PIK3C3: variants seen among roughly 807,000 people sequenced by gnomAD.
PIK3C3 encodes the protein phosphatidylinositol 3-kinase catalytic subunit type 3.
In PIK3C3, 95 loss-of-function variants were observed where a neutral mutation model predicts 126.1. The observed-to-expected ratio is 0.75, with a 90% CI of 0.64 to 0.89. The LOEUF (loss-of-function observed/expected upper bound fraction) is 0.89. Ranked by LOEUF, PIK3C3 falls within the 40% of genes least tolerant of loss-of-function variation. The probability of loss-of-function intolerance (pLI) is 0.00; values close to 1 mark genes in which losing one functional copy is unlikely to be tolerated. For missense variants in PIK3C3, 829 were observed against 1,063.2 expected, an observed-to-expected ratio of 0.78 and a Z score of 3.06; for synonymous variants, 374 against 360.0, an observed-to-expected ratio of 1.04 and a Z score of -0.44.
intron 23 of PIK3C3, among the ~76,000 whole-genome samples, chr18:42,066,413 TC>T (rs11356188): frequency 0.074 from 11,255 of 152,182 alleles, 1,375 homozygotes; most frequent in African/African-American, 0.25. Flanking sequence ...CCACTTGGAA[TC>T]CCCATTTTCT....
At chr18:42,011,836 T>C (rs1982840053) in intron 10 of PIK3C3, among the ~76,000 whole-genome samples, 1 of 152,152 alleles carries the variant, frequency 6.6e-6, no homozygotes, top group Non-Finnish European at 1.5e-5. Flanking sequence ...TGTAGGTTTA[T>C]TAATTGGCCT....
At chr18:42,077,366 G>T (rs1181500902) in intron 24 of PIK3C3, among the ~76,000 whole-genome samples, 1 of 152,180 alleles carries the variant, frequency 6.6e-6, no homozygotes, top group Non-Finnish European at 1.5e-5. Flanking sequence ...CTGTTTGATA[G>T]CATTTTGCCC....
At chr18:42,002,307 T>C (rs186527727) in intron 9 of PIK3C3, among the ~76,000 whole-genome samples, 2 of 152,296 alleles carry the variant, frequency 1.3e-5, no homozygotes, top group African/African-American at 4.8e-5. Context: ...GAGAGGTTAA[T>C]GAAATGGGTT....
At chr18:42,001,904 C>G (rs984418036) in intron 9 of PIK3C3, among the ~76,000 whole-genome samples, 1 of 152,074 alleles carries the variant, frequency 6.6e-6, no homozygotes, top group African/African-American at 2.4e-5. Flanking sequence ...CCTAGAAATA[C>G]GTTTTAGAAG....
rs372689481 is a variant in PIK3C3 at position 42,049,615 on chromosome 18, A to G, written c.2263+10A>G. The G allele has an allele frequency of 2.6e-5, 41 of 1,578,644 alleles. No homozygotes were observed. The African/African-American group carries it at 5.1e-4, about 20-fold the overall frequency. ...TTGCTAACAAAAACAGGTAACAATT[A>G]ATGACTACCAGTAGACATACATTGT... On this transcript the variant is annotated intron_variant, in intron 21 of 24. Transcript: ENST00000262039.
At chr18:42,017,425 C>T (rs1983125530) in intron 12 of PIK3C3, among the ~76,000 whole-genome samples, 3 of 152,096 alleles carry the variant, frequency 2.0e-5, no homozygotes, top group South Asian at 4.1e-4. Flanking sequence ...AGTTGTATTT[C>T]CCAGCTGTTG....
chr18:42,037,039 T>C (rs947899045), intron 16 of PIK3C3, among the ~76,000 whole-genome samples: 1 of 152,182 alleles, frequency 6.6e-6, no homozygotes, highest in Admixed American at 6.5e-5. Context: ...TAATTGAATT[T>C]CAAGTTTAAA....
At chr18:41,980,069 T>C (rs1281078336) in intron 4 of PIK3C3, among the ~76,000 whole-genome samples, 1 of 152,124 alleles carries the variant, frequency 6.6e-6, no homozygotes, top group Non-Finnish European at 1.5e-5. Flanking sequence ...CAAATTACTT[T>C]AACAGAATAA....
intron 10 of PIK3C3, among the ~76,000 whole-genome samples, chr18:42,010,490 C>A (rs928231654): frequency 6.6e-6 from 1 of 152,076 alleles, no homozygotes; most frequent in African/African-American, 2.4e-5. Context: ...CTCAGCCTCC[C>A]GAGTAGCTGA....
chr18:42,064,883 T>A, intron 23 of PIK3C3, 53 bp downstream of exon 23: 1 of 964,288 alleles, frequency 1.0e-6, no homozygotes, highest in South Asian at 1.3e-5. Context: ...TTTTCCATAT[T>A]CCAGAATACA....
chr18:42,037,910 T>C, intron 17 of PIK3C3, 90 bp downstream of exon 17: 1 of 1,222,970 alleles, frequency 8.2e-7, no homozygotes, highest in Admixed American at 2.1e-5. Context: ...ACAGAAGTAT[T>C]TGTAACATTC....
chr18:41,957,162 C>G (rs764239943), intron 1 of PIK3C3, among the ~76,000 whole-genome samples: 15 of 152,000 alleles, frequency 9.9e-5, no homozygotes, highest in Non-Finnish European at 1.6e-4. Flanking sequence ...GCTTCTTTGT[C>G]CACTATGGTA....
At chr18:41,982,199 C>A (rs185392678) in intron 4 of PIK3C3, among the ~76,000 whole-genome samples, 126 of 152,220 alleles carry the variant, frequency 8.3e-4, no homozygotes, top group African/African-American at 2.7e-3. Flanking sequence ...GGCCTTTAAC[C>A]TGAGGGAGTT....
intron 3 of PIK3C3, among the ~76,000 whole-genome samples, chr18:41,966,578 T>C (rs948810694): frequency 2.0e-5 from 3 of 152,216 alleles, no homozygotes; most frequent in African/African-American, 7.2e-5. Flanking sequence ...AAACAAGTAT[T>C]ATTTAACATT....
rs148577718 is a variant in PIK3C3 at position 41,995,729 on chromosome 18, G to C, written c.787-161G>C. On this transcript the variant is annotated intron_variant, in intron 7 of 24. Coordinates refer to ENST00000262039, the MANE Select transcript of PIK3C3 (RefSeq NM_002647.4). ...ATACTTAGTTTCCCAGTCTTGAGAA[G>C]GATACATATTTTTAAGATATGTAGA... Among the ~76,000 whole-genome samples the C allele has an allele frequency of 3.5e-3, 537 of 152,200 alleles. 2 individuals carry two copies. The highest frequency in any genetic ancestry group is 0.012 in the African/African-American group (503 of 41,514).
chr18:41,980,613 C>A (rs187875592), intron 4 of PIK3C3, among the ~76,000 whole-genome samples: 1 of 151,696 alleles, frequency 6.6e-6, no homozygotes, highest in East Asian at 1.9e-4. Context: ...CTCAGGAGTT[C>A]GAAGCCAGCC....
chr18:42,033,315 T>C (rs1567992788), intron 15 of PIK3C3, among the ~76,000 whole-genome samples: 1 of 152,308 alleles, frequency 6.6e-6, no homozygotes, highest in East Asian at 1.9e-4. Context: ...CTAGGAAAAG[T>C]TTGACCATAC....
chr18:42,013,717 TA>T, intron 11 of PIK3C3, 121 bp downstream of exon 11: 1 of 701,406 alleles, frequency 1.4e-6, no homozygotes, highest in South Asian at 1.8e-5. Context: ...GAAGTTTTAC[TA>T]GTGAATATTG....
At chr18:41,990,968 T>C (rs1163735615) in intron 6 of PIK3C3, among the ~76,000 whole-genome samples, 1 of 152,194 alleles carries the variant, frequency 6.6e-6, no homozygotes. Context: ...AATGTCTATA[T>C]GTGGCCCTCA....
Sources: allele counts gnomAD v4.1 joint callset (sites outside exome capture counted in the v4.1 genomes callset), GRCh38; gene constraint gnomAD v4.1.1; transcripts MANE v1.5; gene names NCBI Gene and HGNC (gene_info 2026-07-23, HGNC 2026-07-21).